The following C12orf76 variants were observed in gnomAD, a reference collection of about 807,000 sequenced individuals.
C12orf76 encodes uncharacterized protein C12orf76.
A neutral mutation model predicts 6.8 loss-of-function variants in C12orf76; 6 were observed. That is an observed-to-expected ratio of 0.88 (90% confidence interval 0.48 to 1.73). C12orf76 has a LOEUF of 1.73. Among genes scored for constraint, C12orf76 ranks in the 40% most tolerant of loss-of-function variants. The pLI is 0.01. For synonymous variants in C12orf76, 56 were observed against 43.7 expected, an observed-to-expected ratio of 1.28 and a Z score of -1.11; for missense variants, 99 against 98.2, an observed-to-expected ratio of 1.01 and a Z score of -0.03.
At position 110,041,767 on chromosome 12, in the gene C12orf76, G is replaced by C. The variant is rs1472495036; in HGVS notation, c.*607C>G. 6.5e-6 allele frequency: 1 copy of C among 153,500 alleles called. No homozygotes were observed. The highest frequency in any genetic ancestry group is 2.4e-5 in the African/African-American group (1 of 41,426). The allele number at this position is 153,500 out of a possible 1,614,324, so 9.5% of individuals were successfully genotyped here. ...CAACTTCAGAGCATTCCAGGCCAAA[G>C]GTGCATATAGTAACAGGTCTACCTG... On this transcript the variant is annotated 3_prime_UTR_variant, in exon 2 of 2. Transcript: ENST00000615315.
intron 1 of C12orf76, among the ~76,000 whole-genome samples, chr12:110,047,859 A>G (rs1313161505): frequency 6.6e-6 from 1 of 152,220 alleles, no homozygotes; most frequent in Non-Finnish European, 1.5e-5. Flanking sequence ...GGGTGGGGTA[A>G]ATGATGTGCC....
upstream of C12orf76, chr12:110,050,515 G>A: frequency 6.2e-6 from 1 of 160,402 alleles, no homozygotes; most frequent in Admixed American, 5.9e-5. Flanking sequence ...AAAACAGGTT[G>A]CAGTAAAGGA....
At chr12:110,046,622 T>G (rs1336174631) in intron 1 of C12orf76, among the ~76,000 whole-genome samples, 1 of 152,188 alleles carries the variant, frequency 6.6e-6, no homozygotes. Flanking sequence ...GGTCTCTAAG[T>G]GCTTGGATGT....
chr12:110,071,956 G>A (rs1892964200), upstream of C12orf76, among the ~76,000 whole-genome samples: 1 of 152,158 alleles, frequency 6.6e-6, no homozygotes, highest in South Asian at 2.1e-4. Context: ...TCCACTCTTA[G>A]GTACATATTC....
At chr12:110,070,245 AAAAAAG>A (rs540188999), upstream of C12orf76, among the ~76,000 whole-genome samples, 190 of 148,478 alleles carry the variant, frequency 1.3e-3, no homozygotes, top group East Asian at 2.0e-3. Flanking sequence ...TTCAAAAAAA[AAAAAAG>A]AAAAAGAAAA....
At chr12:110,065,973 G>T (rs1892852322) in exon 2 of C12orf76, 1 of 1,612,910 alleles carries the variant, frequency 6.2e-7, no homozygotes, top group African/African-American at 1.3e-5. Flanking sequence ...CTTCTATGGG[G>T]TCACCTCCAG....
intron 1 of C12orf76, among the ~76,000 whole-genome samples, chr12:110,047,313 G>A (rs1335256037): frequency 6.6e-6 from 1 of 152,126 alleles, no homozygotes; most frequent in Non-Finnish European, 1.5e-5. Context: ...ACAGGTTCTA[G>A]TATTGGCCTC....
chr12:110,061,546 T>G (rs182661253), intron 2 of C12orf76, among the ~76,000 whole-genome samples: 2,610 of 151,882 alleles, frequency 0.017, 82 homozygotes, highest in African/African-American at 0.059. Flanking sequence ...TTTTTTTTTT[T>G]TTTTTCTTGA....
intron 4 of C12orf76, chr12:110,057,091 C>G: frequency 2.5e-6 from 2 of 786,800 alleles, no homozygotes; most frequent in South Asian, 1.5e-5. Context: ...GCTGCTTGTG[C>G]TGGACTCACC....
intron 2 of C12orf76, among the ~76,000 whole-genome samples, chr12:110,062,804 T>TC (rs2137235343): frequency 6.9e-6 from 1 of 145,368 alleles, no homozygotes; most frequent in East Asian, 2.0e-4. Flanking sequence ...TTTTTTTTTT[T>TC]TTTTTTTTTT....
At chr12:110,064,745 G>A (rs972895720) in intron 2 of C12orf76, among the ~76,000 whole-genome samples, 3 of 151,910 alleles carry the variant, frequency 2.0e-5, no homozygotes, top group East Asian at 1.9e-4. Flanking sequence ...CACTGTACAC[G>A]CCAGTTGCAG....
chr12:110,042,726 A>C, intron 1 of C12orf76: 1 of 631,288 alleles, frequency 1.6e-6, no homozygotes, highest in Non-Finnish European at 2.9e-6. Context: ...GGCAGCAAGA[A>C]GGGGGGACAG....
At chr12:110,050,930 C>A, upstream of C12orf76, 1 of 685,070 alleles carries the variant, frequency 1.5e-6, no homozygotes, top group Non-Finnish European at 2.7e-6. Flanking sequence ...GACTATAGTG[C>A]AGAAACCTGA....
chr12:110,043,332 G>A (rs570982285), intron 1 of C12orf76, among the ~76,000 whole-genome samples: 22 of 151,890 alleles, frequency 1.4e-4, no homozygotes, highest in Non-Finnish European at 7.4e-5. Context: ...GAAGCCACTA[G>A]GGGGCTGTAG....
chr12:110,071,509 C>CT (rs561969051), upstream of C12orf76, among the ~76,000 whole-genome samples: 483 of 151,134 alleles, frequency 3.2e-3, 1 homozygote, highest in Non-Finnish European at 4.5e-3. Flanking sequence ...CTCCTCATGC[C>CT]TTTTTTTTTG....
upstream of C12orf76, among the ~76,000 whole-genome samples, chr12:110,052,164 G>A (rs1892588445): frequency 6.6e-6 from 1 of 150,594 alleles, no homozygotes. Flanking sequence ...CCAAAGTGCT[G>A]GGATTACAGG....
chr12:110,053,622 C>G (rs1384146435), upstream of C12orf76, among the ~76,000 whole-genome samples: 2 of 152,210 alleles, frequency 1.3e-5, no homozygotes, highest in Non-Finnish European at 2.9e-5. Flanking sequence ...AAGAGCATTC[C>G]TCATGACCCA....
chr12:110,072,948 CAAA>C (rs199763898), intron 1 of C12orf76, among the ~76,000 whole-genome samples: 1 of 100,404 alleles, frequency 1.0e-5, no homozygotes. Context: ...GACTTCATCT[CAAA>C]AAAAAAAAAA....
chr12:110,056,427 C>G (rs185026852), intron 4 of C12orf76, among the ~76,000 whole-genome samples: 1 of 152,114 alleles, frequency 6.6e-6, no homozygotes, highest in Admixed American at 6.6e-5. Context: ...TGTGAAGAAG[C>G]TGAGGATTTT....
Sources: allele counts gnomAD v4.1 joint callset (sites outside exome capture counted in the v4.1 genomes callset), GRCh38; gene constraint gnomAD v4.1.1; transcripts MANE v1.5; gene names NCBI Gene and HGNC (gene_info 2026-07-23, HGNC 2026-07-21).